Variants in NCALD observed in about 807,000 individuals in gnomAD.
NCALD encodes the protein neurocalcin-delta.
NCALD carries 10 observed loss-of-function variants against 18.6 expected under a neutral mutation model. That is an observed-to-expected ratio of 0.54 (90% CI 0.33 to 0.91). NCALD has a LOEUF of 0.91. Among genes scored for constraint, NCALD ranks in the 40% least tolerant of loss-of-function variants. NCALD has a pLI of 0.03. For missense variants in NCALD, 184 were observed against 247.6 expected (o/e 0.74, Z 1.72); for synonymous variants, 88 against 87.4 (o/e 1.01, Z -0.04).
intron 1 of NCALD, among the ~76,000 whole-genome samples, chr8:102,051,356 A>G (rs933489761): frequency 3.3e-5 from 5 of 152,210 alleles, no homozygotes; most frequent in Admixed American, 6.5e-5. Context: ...TAATGTGTGG[A>G]AAGGACATGG....
intron 4 of NCALD, among the ~76,000 whole-genome samples, chr8:101,851,839 C>T (rs1210356903): frequency 1.3e-5 from 2 of 152,108 alleles, no homozygotes; most frequent in Non-Finnish European, 2.9e-5. Context: ...TATGTCCTTC[C>T]AAAATTTATG....
At chr8:101,734,208 C>T (rs7829690) in intron 1 of NCALD, among the ~76,000 whole-genome samples, 79,054 of 151,966 alleles carry the variant, frequency 0.52, 23,502 homozygotes, top group African/African-American at 0.82. Flanking sequence ...GGACCTGAAA[C>T]GCCCTCCTTT....
intron 2 of NCALD, among the ~76,000 whole-genome samples, chr8:101,931,778 A>G (rs1387626598): frequency 2.0e-5 from 3 of 152,302 alleles, no homozygotes; most frequent in South Asian, 2.1e-4. Flanking sequence ...CACTCTATAC[A>G]CATTATCTCT....
At chr8:101,873,641 C>T (rs1816108856) in intron 4 of NCALD, among the ~76,000 whole-genome samples, 1 of 152,058 alleles carries the variant, frequency 6.6e-6, no homozygotes, top group South Asian at 2.1e-4. Context: ...GGAGATGGGA[C>T]CTGAATGACA....
chr8:102,049,832 G>A (rs1477208954), intron 1 of NCALD, among the ~76,000 whole-genome samples: 1 of 152,062 alleles, frequency 6.6e-6, no homozygotes, highest in African/African-American at 2.4e-5. Context: ...TCTTTGGTGA[G>A]GTATCTTTTC....
chr8:101,825,282 G>T (rs1813888066), intron 4 of NCALD, among the ~76,000 whole-genome samples: 1 of 152,230 alleles, frequency 6.6e-6, no homozygotes, highest in Non-Finnish European at 1.5e-5. Context: ...ATATGCCAGT[G>T]GATCTTGAGG....
At chr8:102,065,958 A>G (rs904377075) in intron 1 of NCALD, among the ~76,000 whole-genome samples, 2 of 152,266 alleles carry the variant, frequency 1.3e-5, no homozygotes, top group African/African-American at 2.4e-5. Flanking sequence ...TTATAACTAT[A>G]TATGGCTCTC....
At chr8:101,691,878 G>A (rs771766288) in intron 3 of NCALD, 380 of 985,308 alleles carry the variant, frequency 3.9e-4, no homozygotes, top group Non-Finnish European at 4.4e-4. Flanking sequence ...AAGAATTGCC[G>A]AGGCCTCTGA....
chr8:101,974,087 C>T lies in NCALD; in HGVS notation c.-157+46150G>A, dbSNP rs7823680. Among the ~76,000 whole-genome samples the T allele has an allele frequency of 6.8e-3, 1,029 of 151,902 alleles. 14 individuals are homozygous for T. Among genetic ancestry groups the T allele is most frequent in the African/African-American group, 0.023 (942 of 41,424 alleles). On this transcript the variant is annotated intron_variant, in intron 2 of 6. Coordinates refer to the NCALD transcript ENST00000311028. The stretch of plus-strand genomic sequence containing the variant: ...AGCTATGTTAACAAGTGGCCAGGGG[C>T]AAGAACTTTAGCTCTCCCTGCCCTC...
At chr8:101,918,167 G>C (rs1228246452) in intron 2 of NCALD, among the ~76,000 whole-genome samples, 1 of 152,090 alleles carries the variant, frequency 6.6e-6, no homozygotes, top group Non-Finnish European at 1.5e-5. Flanking sequence ...AAGGTGTAAG[G>C]TTCATTCAAC....
chr8:101,867,907 C>G (rs1254816556), intron 4 of NCALD, among the ~76,000 whole-genome samples: 1 of 152,168 alleles, frequency 6.6e-6, no homozygotes, highest in Non-Finnish European at 1.5e-5. Flanking sequence ...TCATTTGAAC[C>G]AGGGGTCAGT....
intron 3 of NCALD, among the ~76,000 whole-genome samples, chr8:101,909,932 C>T (rs1184491022): frequency 6.6e-6 from 1 of 152,130 alleles, no homozygotes; most frequent in Non-Finnish European, 1.5e-5. Flanking sequence ...TTAAGGGAGG[C>T]TGGACAAGGA....
At chr8:102,073,845 G>C (rs925864748) in intron 1 of NCALD, among the ~76,000 whole-genome samples, 1 of 152,154 alleles carries the variant, frequency 6.6e-6, no homozygotes, top group African/African-American at 2.4e-5. Context: ...AACAGCGACT[G>C]GTTGAAATTG....
intron 4 of NCALD, among the ~76,000 whole-genome samples, chr8:101,834,193 T>G (rs995678613): frequency 6.6e-6 from 1 of 151,910 alleles, no homozygotes; most frequent in African/African-American, 2.4e-5. Context: ...AAAAGGAGGG[T>G]GTGAAATGTG....
Position 101,714,393 on chromosome 8 carries a change from T to C in NCALD, c.378+4859A>G, listed in dbSNP as rs1265037194. On this transcript the variant is annotated intron_variant, in intron 2 of 3. Transcript: ENST00000220931. Reference sequence around the variant, plus strand: ...ATCATGAGCAAACTCCCACTCACAATTGCTACAAAGAGAATAAAATACCTA... The same window carrying C: ...ATCATGAGCAAACTCCCACTCACAACTGCTACAAAGAGAATAAAATACCTA... Among the ~76,000 whole-genome samples the C allele has an allele frequency of 2.6e-5, 4 of 152,112 alleles. No individual in the cohort carries two copies. The East Asian group carries it at 7.7e-4, about 29-fold the overall frequency.
intron 1 of NCALD, among the ~76,000 whole-genome samples, chr8:102,055,902 A>C (rs1823633918): frequency 1.3e-5 from 2 of 152,220 alleles, no homozygotes; most frequent in South Asian, 4.1e-4. Flanking sequence ...CTATAGATCA[A>C]AACAGAGCCC....
At chr8:101,954,164 C>G (rs1399916627) in intron 2 of NCALD, among the ~76,000 whole-genome samples, 2 of 152,198 alleles carry the variant, frequency 1.3e-5, no homozygotes, top group Admixed American at 6.5e-5. Context: ...GGAGCCTCAG[C>G]ACCTAGGGAC....
rs369393213 is a variant in NCALD, at chr8:101,843,582, G to GTTTTTTTTTTTTT, written c.-20+43546_-20+43558dup. On this transcript the variant is annotated intron_variant, in intron 4 of 6. Coordinates refer to the NCALD transcript ENST00000311028. ...TCTGTTCTATGAATCTTTAAAAATTGTTTTTTTTTTTTTTGAGACAGTCTT... is the reference window on the plus strand; with the variant it reads ...TCTGTTCTATGAATCTTTAAAAATTGTTTTTTTTTTTTTTTTTTTTTTTTTTTGAGACAGTCTT... Among the ~76,000 whole-genome samples, 217 of 125,092 alleles carry GTTTTTTTTTTTTT rather than the reference G, an allele frequency of 1.7e-3. 9 individuals are homozygous for GTTTTTTTTTTTTT. The highest frequency in any genetic ancestry group is 3.0e-3 in the African/African-American group (91 of 30,676). 82.1% of individuals were successfully genotyped at this position (125,092 alleles called of 152,430 possible). A position where few individuals can be genotyped will look rare whatever the true frequency, so the allele number is the denominator to read the frequency against.
chr8:101,820,464 T>C (rs908959876), intron 4 of NCALD, among the ~76,000 whole-genome samples: 3 of 152,220 alleles, frequency 2.0e-5, no homozygotes, highest in Non-Finnish European at 2.9e-5. Context: ...ACATACATTT[T>C]GAGGGGAAAG....
Sources: gnomAD v4.1 joint callset for allele counts (sites outside exome capture counted in the v4.1 genomes callset) on GRCh38, gnomAD v4.1.1 for gene constraint, MANE v1.5 for transcripts, NCBI Gene and HGNC (gene_info 2026-07-23, HGNC 2026-07-21) for gene names.